The following SPON1 variants were observed in gnomAD, a reference collection of about 807,000 sequenced individuals.
The protein encoded by SPON1 is spondin 1.
A neutral mutation model predicts 111.7 loss-of-function variants in SPON1; 52 were observed. The observed-to-expected ratio is 0.47, with a 90% CI of 0.37 to 0.59. The LOEUF (loss-of-function observed/expected upper bound fraction) is 0.59, where lower values mean the gene tolerates loss of function less well. Ranked by LOEUF, SPON1 falls within the 20% of genes least tolerant of loss-of-function variation. SPON1 has a pLI of 0.00. For missense variants in SPON1, 957 were observed against 1,068.5 expected, an observed-to-expected ratio of 0.90 and a Z score of 1.46; for synonymous variants, 410 against 395.8, an observed-to-expected ratio of 1.04 and a Z score of -0.43.
Position 14,259,173 on chromosome 11 carries a change from A to G in SPON1, c.1493-107A>G, listed in dbSNP as rs1057050868. 1.6e-6 allele frequency: 2 copies of G among 1,288,342 alleles called. No individual in the cohort carries two copies. Among genetic ancestry groups the G allele is most frequent in the African/African-American group, 3.0e-5 (2 of 67,160 alleles). The allele number at this position is 1,288,342 out of a possible 1,614,324, so 79.8% of individuals were successfully genotyped here. On this transcript the variant is annotated intron_variant, in intron 11 of 15. Transcript: ENST00000576479. This position sits in a 1 kb window ranked among gnomAD's most constrained non-coding sequence, Gnocchi z 5.0. The stretch of plus-strand genomic sequence containing the variant: ...CCTCTTAGGTGTGCAGACAACCTCA[A>G]CTGCCTGACTCCTCTTGATTCCCGC...
chr11:14,226,694 G>A (rs1554938171), intron 6 of SPON1, among the ~76,000 whole-genome samples: 1 of 152,158 alleles, frequency 6.6e-6, no homozygotes, highest in African/African-American at 2.4e-5. Context: ...GGGCCCATAG[G>A]AATTATATCC....
chr11:14,022,728 T>TA (rs1554914887), intron 2 of SPON1, among the ~76,000 whole-genome samples: 1 of 152,208 alleles, frequency 6.6e-6, no homozygotes, highest in East Asian at 1.9e-4. Context: ...CCTGTTCATC[T>TA]AAAAAATCAA....
At position 14,210,617 on chromosome 11, in the gene SPON1, C is replaced by T. The variant is rs376970996; in HGVS notation, c.826-32715C>T. Among the ~76,000 whole-genome samples the T allele has an allele frequency of 4.6e-5, 7 of 152,238 alleles. No homozygotes were observed. The East Asian group carries it at 9.7e-4, about 21-fold the overall frequency. On this transcript the variant is annotated intron_variant, in intron 6 of 15. Coordinates refer to ENST00000576479, the MANE Select transcript of SPON1 (RefSeq NM_006108.4). ...GTTTCACTATGTTGACCAAGCTGGT[C>T]TCAATCTCCTGACCTCGTGATCCAC...
At chr11:14,025,746 A>T (rs1848513243) in intron 2 of SPON1, among the ~76,000 whole-genome samples, 1 of 152,122 alleles carries the variant, frequency 6.6e-6, no homozygotes, top group African/African-American at 2.4e-5. Context: ...GTGACTCATC[A>T]GGTGAGACCA....
chr11:14,233,126 C>G (rs1232845382), intron 6 of SPON1, among the ~76,000 whole-genome samples: 1 of 152,154 alleles, frequency 6.6e-6, no homozygotes, highest in Non-Finnish European at 1.5e-5. Context: ...GTTTACGTCT[C>G]CAGCCTGGAC....
intron 2 of SPON1, among the ~76,000 whole-genome samples, chr11:14,037,862 CA>C (rs71041564): frequency 1.3e-5 from 2 of 152,000 alleles, no homozygotes; most frequent in African/African-American, 4.8e-5. Flanking sequence ...CCAAAATATG[CA>C]AAAAACTCTT....
At chr11:14,111,577 A>G (rs1452468100) in intron 5 of SPON1, among the ~76,000 whole-genome samples, 2 of 152,224 alleles carry the variant, frequency 1.3e-5, no homozygotes, top group African/African-American at 4.8e-5. Context: ...AGCTAACAGC[A>G]TTTATATGCT....
chr11:14,197,627 A>G (rs1424434289), intron 6 of SPON1, among the ~76,000 whole-genome samples: 1 of 148,048 alleles, frequency 6.8e-6, no homozygotes, highest in African/African-American at 2.5e-5. Context: ...ATGCAGTGGA[A>G]CCGCACCTCT....
intron 3 of SPON1, 136 bp downstream of exon 3, chr11:14,041,790 T>G (rs1848633447): frequency 2.2e-6 from 2 of 893,984 alleles, no homozygotes; most frequent in Non-Finnish European, 3.4e-6. Context: ...GAATTCTCAA[T>G]AGCACCATAG....
chr11:14,069,215 C>T (rs1048315160), intron 3 of SPON1, among the ~76,000 whole-genome samples: 1 of 152,114 alleles, frequency 6.6e-6, no homozygotes, highest in Non-Finnish European at 1.5e-5. Context: ...GTTTTCTCAT[C>T]TGTAAAATAG....
Position 14,259,756 on chromosome 11 carries a change from G to T in SPON1, c.1831+55G>T. ...AGGCCACTGGGGACAGGCGTGGAGG[G>T]CCATGGCATCCACTATTACCACCAT... On this transcript the variant is annotated intron_variant, in intron 13 of 15. Transcript: ENST00000576479. This position sits in a 1 kb window ranked among gnomAD's most constrained non-coding sequence, Gnocchi z 5.0. The T allele has an allele frequency of 6.6e-7, 1 of 1,506,796 alleles. No individual in the cohort carries two copies. The highest frequency in any genetic ancestry group is 1.4e-5 in the African/African-American group (1 of 72,526). The allele number at this position is 1,506,796 out of a possible 1,614,324, so 93.3% of individuals were successfully genotyped here.
At chr11:14,009,486 A>C (rs1234133538) in intron 2 of SPON1, among the ~76,000 whole-genome samples, 1 of 152,212 alleles carries the variant, frequency 6.6e-6, no homozygotes, top group Non-Finnish European at 1.5e-5. Flanking sequence ...CATATATAGC[A>C]AGTTGCTTCC....
intron 6 of SPON1, among the ~76,000 whole-genome samples, chr11:14,177,298 C>T (rs566141689): frequency 3.3e-4 from 50 of 152,244 alleles, no homozygotes; most frequent in Middle Eastern, 3.4e-3. Flanking sequence ...CCTTGGCCTC[C>T]CAAAGTGCTG....
At chr11:14,170,234 G>C (rs1848080829) in intron 6 of SPON1, among the ~76,000 whole-genome samples, 1 of 152,074 alleles carries the variant, frequency 6.6e-6, no homozygotes, top group Non-Finnish European at 1.5e-5. Context: ...TGGATTCCTA[G>C]GTATTTTCTT....
chr11:13,964,220 C>G (rs1329266515), intron 1 of SPON1, among the ~76,000 whole-genome samples: 1 of 152,256 alleles, frequency 6.6e-6, no homozygotes, highest in Non-Finnish European at 1.5e-5. Flanking sequence ...GCGAGCCTGT[C>G]TGGCCTCACC....
chr11:14,124,787 A>G (rs1847435919), intron 5 of SPON1, among the ~76,000 whole-genome samples: 1 of 152,256 alleles, frequency 6.6e-6, no homozygotes. Context: ...ACTAGCACAT[A>G]GTATAATCCC....
Position 14,255,684 on chromosome 11 carries a change from G to C in SPON1, c.1130G>C (p.Arg377Pro). ...NKPTIPQEKI[R>P]PLTSLDHPQS... ...CCCACCATTCCCCAGGAGAAAATCCGGCCCCTGACCAGCCTGGACCATCCT... is the reference window on the plus strand; with the variant it reads ...CCCACCATTCCCCAGGAGAAAATCCCGCCCCTGACCAGCCTGGACCATCCT... Residue 377 changes from arginine (R) to proline (P), a missense_variant, in exon 9 of 16, where the codon CGG (arginine) becomes CCG (proline). Arg to Pro is a moderately radical substitution (Grantham distance 103). Around this residue, in one of 5 missense-constraint regions of SPON1, gnomAD observed 549 missense variants for 606.2 expected, o/e 0.91. Coordinates refer to ENST00000576479, the MANE Select transcript of SPON1 (RefSeq NM_006108.4). The C allele has an allele frequency of 6.2e-7, 1 of 1,613,700 alleles. No homozygotes were observed. The highest frequency in any genetic ancestry group is 8.5e-7 in the Non-Finnish European group (1 of 1,179,822).
At chr11:14,012,534 CA>C (rs1554913840) in intron 2 of SPON1, among the ~76,000 whole-genome samples, 4 of 152,164 alleles carry the variant, frequency 2.6e-5, no homozygotes, top group Non-Finnish European at 4.4e-5. Context: ...GACTTTTCTC[CA>C]TAAATGCATC....
At chr11:14,124,057 A>G (rs1255511396) in intron 5 of SPON1, among the ~76,000 whole-genome samples, 1 of 152,170 alleles carries the variant, frequency 6.6e-6, no homozygotes, top group African/African-American at 2.4e-5. Context: ...AGACAGGACT[A>G]TCTTATTCTC....
Sources: allele counts gnomAD v4.1 joint callset (sites outside exome capture counted in the v4.1 genomes callset), GRCh38; gene constraint gnomAD v4.1.1; regional missense constraint gnomAD v4.1.1; non-coding constraint Gnocchi (gnomAD v3.1); transcripts MANE v1.5; gene names NCBI Gene and HGNC (gene_info 2026-07-23, HGNC 2026-07-21).